The following OTOGL variants were observed in gnomAD, a reference collection of about 807,000 sequenced individuals.
OTOGL encodes otogelin like, also known as otogelin-like protein.
In OTOGL, 285 loss-of-function variants were observed where a neutral mutation model predicts 318.5. The ratio of observed to expected loss-of-function variants is 0.89; its 90% CI spans 0.81 to 0.99. The LOEUF is 0.99. Among genes scored for constraint, OTOGL ranks in the 50% least tolerant of loss-of-function variants. The pLI, the probability that OTOGL is intolerant of heterozygous loss-of-function variation, is 0.00. For synonymous variants in OTOGL, 987 were observed against 936.5 expected (o/e 1.05, Z -0.99); for missense variants, 2,899 against 2,845.6 (o/e 1.02, Z -0.43).
intron 6 of OTOGL, among the ~76,000 whole-genome samples, chr12:80,220,662 C>A (rs1240964196): frequency 1.7e-5 from 2 of 119,422 alleles, no homozygotes; most frequent in Admixed American, 8.1e-5. Context: ...AGATAGGATT[C>A]TATGTCAATA....
chr12:80,153,169 T>G (rs1250220799), intron 1 of OTOGL, among the ~76,000 whole-genome samples: 2 of 152,198 alleles, frequency 1.3e-5, no homozygotes, highest in African/African-American at 4.8e-5. Context: ...GAAATTTATT[T>G]CTTATTCTGG....
chr12:80,286,395 G>A (rs1289493084), intron 26 of OTOGL, among the ~76,000 whole-genome samples: 1 of 152,164 alleles, frequency 6.6e-6, no homozygotes, highest in Non-Finnish European at 1.5e-5. Context: ...CATAAAATGA[G>A]TTAGGGAGTA....
rs758209843 is a variant in OTOGL at position 80,233,045 on chromosome 12, C to T, written c.765C>T (p.Gly255=). 6.3e-7 allele frequency: 1 copy of T among 1,598,416 alleles called. No individual in the cohort carries two copies. The highest frequency in any genetic ancestry group is 1.1e-5 in the South Asian group (1 of 91,040). ...LSEDHKGKSC[G]LCGNYNDIQS... ...AGGACCATAAGGGGAAATCATGTGGCCTATGTGGAAACTACAATGACATTC... is the reference window on the plus strand; with the variant it reads ...AGGACCATAAGGGGAAATCATGTGGTCTATGTGGAAACTACAATGACATTC... The change falls in exon 9 of 59, where the codon GGC becomes GGT. Residue 255 remains glycine (G), a synonymous_variant. Coordinates refer to ENST00000547103, the MANE Select transcript of OTOGL (RefSeq NM_001378609.3).
At chr12:80,163,643 A>G (rs1030482630) in intron 1 of OTOGL, among the ~76,000 whole-genome samples, 2 of 152,128 alleles carry the variant, frequency 1.3e-5, no homozygotes, top group Non-Finnish European at 2.9e-5. Flanking sequence ...TGTTAATGTC[A>G]TCTAGGCTCT....
chr12:80,320,311 A>C, intron 33 of OTOGL, 111 bp from the exon 34 acceptor site: 1 of 973,914 alleles, frequency 1.0e-6, no homozygotes, highest in Non-Finnish European at 1.4e-6. Context: ...GGCACTAATT[A>C]TGTTTGGCAA....
At chr12:80,279,272 C>G in intron 26 of OTOGL, 106 bp downstream of exon 26, 1 of 1,146,206 alleles carries the variant, frequency 8.7e-7, no homozygotes, top group Non-Finnish European at 1.2e-6. Flanking sequence ...TTTATAAAAC[C>G]TATAAAACAA....
In OTOGL at chr12:80,257,991, G is replaced by A. The variant is rs769796121; in HGVS notation, c.1878G>A (p.Arg626=). Residue 626 remains arginine, a synonymous_variant, in exon 18 of 59, where the codon AGG becomes AGA. Coordinates refer to ENST00000547103, the MANE Select transcript of OTOGL (RefSeq NM_001378609.3). ...GTGGCACTTTTAATGGCAACATAAGGGATGATTTTCTGTAAGTATGATTTC... is the reference window on the plus strand; with the variant it reads ...GTGGCACTTTTAATGGCAACATAAGAGATGATTTTCTGTAAGTATGATTTC... ...GLCGTFNGNI[R]DDFLSPSGMI... 4 of 1,579,000 alleles carry A rather than the reference G, an allele frequency of 2.5e-6. No individual in the cohort carries two copies. The highest frequency in any genetic ancestry group is 3.4e-6 in the Non-Finnish European group (4 of 1,173,374).
chr12:80,214,516 T>C (rs748178100), intron 4 of OTOGL, among the ~76,000 whole-genome samples: 3 of 152,142 alleles, frequency 2.0e-5, no homozygotes, highest in Admixed American at 6.5e-5. Context: ...AGGCTTTCAG[T>C]GTGCACAGAA....
chr12:80,122,990 C>G (rs925416302), intron 1 of OTOGL, among the ~76,000 whole-genome samples: 1 of 151,282 alleles, frequency 6.6e-6, no homozygotes, highest in Non-Finnish European at 1.5e-5. Flanking sequence ...AGAGTGAATG[C>G]CTTTTGTTTC....
At chr12:80,105,289 T>A (rs1381162100) in intron 1 of OTOGL, among the ~76,000 whole-genome samples, 7 of 152,160 alleles carry the variant, frequency 4.6e-5, no homozygotes, top group African/African-American at 1.7e-4. Context: ...ATAAATTCAG[T>A]CATCACTCAA....
chr12:80,319,153 T>C (rs1887166786), intron 33 of OTOGL, among the ~76,000 whole-genome samples: 1 of 152,148 alleles, frequency 6.6e-6, no homozygotes, highest in African/African-American at 2.4e-5. Context: ...AGTCTGTTAT[T>C]CTGTTATCCT....
intron 1 of OTOGL, among the ~76,000 whole-genome samples, chr12:80,118,538 T>C (rs1234746381): frequency 6.6e-6 from 1 of 152,130 alleles, no homozygotes; most frequent in Non-Finnish European, 1.5e-5. Flanking sequence ...ACTTACAAAA[T>C]GTAGTAAACA....
chr12:80,263,065 G>A (rs1461378707), intron 19 of OTOGL, among the ~76,000 whole-genome samples: 1 of 152,082 alleles, frequency 6.6e-6, no homozygotes, highest in South Asian at 2.1e-4. Context: ...AGATACTTTT[G>A]CTCTTTGTGC....
chr12:80,233,026 AT>A lies in OTOGL; in HGVS notation c.747del (p.His249GlnfsTer21). The A allele has an allele frequency of 6.3e-7, 1 of 1,598,796 alleles. No homozygotes were observed. Reference sequence around the variant, plus strand: ...ATCTACCTCAAGCTGTCTGAGGACCATAAGGGGAAATCATGTGGCCTATGTG... The same window carrying A: ...ATCTACCTCAAGCTGTCTGAGGACCAAAGGGGAAATCATGTGGCCTATGTG... Reference protein sequence around the residue: ...SGIYLKLSEDHKGKSCGLCGN... With the variant: ...SGIYLKLSEDXKGKSCGLCGN... On this transcript the variant is annotated frameshift_variant, in exon 9 of 59. Coordinates refer to ENST00000547103, the MANE Select transcript of OTOGL (RefSeq NM_001378609.3). LOFTEE classifies it high-confidence loss of function.
At chr12:80,187,224 C>G (rs1875353588) in intron 1 of OTOGL, among the ~76,000 whole-genome samples, 1 of 151,616 alleles carries the variant, frequency 6.6e-6, no homozygotes, top group Non-Finnish European at 1.5e-5. Flanking sequence ...GAACAGCTTC[C>G]TGATTTAGGG....
Position 80,285,784 on chromosome 12 carries a change from G to A in OTOGL, c.2928+6618G>A, listed in dbSNP as rs534701808. Among the ~76,000 whole-genome samples the A allele has an allele frequency of 3.3e-3, 499 of 152,176 alleles. 4 individuals carry two copies. Among genetic ancestry groups the A allele is most frequent in the Middle Eastern group, 0.017 (5 of 294 alleles). ...AAGGAGTTTTTGGGCTGAGATGATG[G>A]GATTTTCTAAATATACAATTATGTC... On this transcript the variant is annotated intron_variant, in intron 26 of 58. Transcript: ENST00000547103.
intron 11 of OTOGL, among the ~76,000 whole-genome samples, chr12:80,247,623 A>G (rs1364549974): frequency 1.2e-5 from 1 of 82,596 alleles, no homozygotes; most frequent in Non-Finnish European, 2.3e-5. Flanking sequence ...TGTGGTGCTG[A>G]AAAAAATGTA....
At chr12:80,259,254 G>C (rs1378321736) in intron 18 of OTOGL, among the ~76,000 whole-genome samples, 2 of 151,324 alleles carry the variant, frequency 1.3e-5, no homozygotes, top group African/African-American at 2.4e-5. Flanking sequence ...ATTATGGCTA[G>C]AAGAACAATA....
At position 80,355,867 on chromosome 12, in the gene OTOGL, C is replaced by T; in HGVS notation, c.5725C>T (p.Pro1909Ser). Residue 1909 changes from proline (P) to serine (S), a missense_variant, in exon 47 of 59, where the codon CCC (proline) becomes TCC (serine). By Grantham distance (74) the Pro-to-Ser change is moderately conservative (BLOSUM62 -1). Coordinates refer to ENST00000547103, the MANE Select transcript of OTOGL (RefSeq NM_001378609.3). The stretch of plus-strand genomic sequence containing the variant: ...TATAGAACCTGACTGTGATGAAGAG[C>T]CCACGCCAGTTTGTGAACGAGAAGC... ...IPIEPDCDEE[P>S]TPVCEREAEV... 6.2e-7 allele frequency: 1 copy of T among 1,613,848 alleles called. No individual in the cohort carries two copies. The highest frequency in any genetic ancestry group is 1.1e-5 in the South Asian group (1 of 91,074).
Sources: gnomAD v4.1 joint callset for allele counts (sites outside exome capture counted in the v4.1 genomes callset) on GRCh38, gnomAD v4.1.1 for gene constraint, MANE v1.5 for transcripts, NCBI Gene and HGNC (gene_info 2026-07-23, HGNC 2026-07-21) for gene names.